The following FBXL20 variants were observed in gnomAD, a reference collection of about 807,000 sequenced individuals.
FBXL20 encodes the protein F-box/LRR-repeat protein 20.
FBXL20 carries 11 observed loss-of-function variants against 64.0 expected under a neutral mutation model. That is an observed-to-expected ratio of 0.17 (90% confidence interval 0.11 to 0.28). The LOEUF is 0.28. FBXL20 is among the 10% of genes least tolerant of loss of function. The pLI, the probability that FBXL20 is intolerant of heterozygous loss-of-function variation, is 1.00. For synonymous variants in FBXL20, 184 were observed against 189.0 expected, an observed-to-expected ratio of 0.97 and a Z score of 0.22; for missense variants, 303 against 526.2, an observed-to-expected ratio of 0.58 and a Z score of 4.15.
At chr17:39,342,175 A>G (rs1470619824) in intron 2 of FBXL20, among the ~76,000 whole-genome samples, 1 of 152,164 alleles carries the variant, frequency 6.6e-6, no homozygotes, top group East Asian at 1.9e-4. Flanking sequence ...GAAAACAAAG[A>G]ACTCTAGAAG....
At position 39,323,986 on chromosome 17, in the gene FBXL20, G is replaced by T. The variant is rs549323334; in HGVS notation, c.104+19194C>A. Among the ~76,000 whole-genome samples, 26 of 145,980 alleles carry T rather than the reference G, an allele frequency of 1.8e-4. No individual in the cohort carries two copies. In the Middle Eastern group the frequency reaches 0.01, roughly 58 times the overall value. ...TCACCATGTTGGCCAGGCTGGTCTC[G>T]AACTCCTGACCTCGTGATCCAACCC... On this transcript the variant is annotated intron_variant, in intron 2 of 14. Transcript: ENST00000264658.
intron 1 of FBXL20, among the ~76,000 whole-genome samples, chr17:39,383,882 G>C (rs12936358): frequency 6.6e-6 from 1 of 151,742 alleles, no homozygotes; most frequent in Non-Finnish European, 1.5e-5. Flanking sequence ...GAGCCACCGT[G>C]CCGGGCTACT....
upstream of FBXL20, chr17:39,401,912 AGG>A: frequency 2.4e-6 from 1 of 411,528 alleles, no homozygotes; most frequent in East Asian, 4.0e-5. Context: ...CGTGTGGAAA[AGG>A]GGGTCTGTGG....
chr17:39,342,030 T>A (rs183935839), intron 2 of FBXL20, among the ~76,000 whole-genome samples: 33 of 152,198 alleles, frequency 2.2e-4, no homozygotes, highest in Non-Finnish European at 4.0e-4. Flanking sequence ...CCCACTCCTA[T>A]CCCGCAATTT....
intron 1 of FBXL20, among the ~76,000 whole-genome samples, chr17:39,372,891 C>T (rs934686753): frequency 1.3e-5 from 2 of 152,088 alleles, no homozygotes; most frequent in East Asian, 1.9e-4. Context: ...TCCCAAAGTG[C>T]TAGGATTACA....
chr17:39,370,990 G>A (rs998378233), intron 1 of FBXL20, among the ~76,000 whole-genome samples: 2 of 151,980 alleles, frequency 1.3e-5, no homozygotes, highest in Admixed American at 6.6e-5. Flanking sequence ...AGGCTGAGGC[G>A]GGTGGATCAC....
intron 1 of FBXL20, among the ~76,000 whole-genome samples, chr17:39,368,288 A>T (rs1332638743): frequency 1.3e-5 from 2 of 152,140 alleles, no homozygotes; most frequent in East Asian, 3.9e-4. Context: ...GCTACTCAGG[A>T]GGCTAAGGCA....
chr17:39,306,156 T>TTC (rs1295910531), intron 2 of FBXL20, among the ~76,000 whole-genome samples: 1 of 146,184 alleles, frequency 6.8e-6, no homozygotes, highest in African/African-American at 2.5e-5. Flanking sequence ...AGTGAGTTCT[T>TTC]TTTTTTTTTT....
Position 39,298,388 on chromosome 17 carries a change from T to TGG in FBXL20, c.329+600_329+601dup, listed in dbSNP as rs549202183. Reference sequence around the variant, plus strand: ...CCTCCCACCTAGCCTCCCAAAGTCCTGGGGTCACTGCCCAGGTTAGGGTTA... The same window carrying TGG: ...CCTCCCACCTAGCCTCCCAAAGTCCTGGGGGGTCACTGCCCAGGTTAGGGTTA... On this transcript the variant is annotated intron_variant, in intron 5 of 14. Coordinates refer to ENST00000264658, the MANE Select transcript of FBXL20 (RefSeq NM_032875.3). 6.1e-4 allele frequency among the ~76,000 whole-genome samples: 93 copies of TGG among 152,232 alleles called. No individual in the cohort carries two copies. In the Middle Eastern group the frequency reaches 0.01, roughly 17 times the overall value.
At chr17:39,312,083 G>A (rs9904334) in intron 2 of FBXL20, among the ~76,000 whole-genome samples, 57,943 of 151,990 alleles carry the variant, frequency 0.38, 14,219 homozygotes, top group African/African-American at 0.7. Context: ...AAAAAATTAA[G>A]AGGAGAAGAC....
At chr17:39,324,536 C>T (rs1219601393) in intron 2 of FBXL20, among the ~76,000 whole-genome samples, 2 of 151,818 alleles carry the variant, frequency 1.3e-5, no homozygotes, top group Non-Finnish European at 2.9e-5. Flanking sequence ...GTGATCTGCC[C>T]GCCTCCCAAA....
intron 1 of FBXL20, among the ~76,000 whole-genome samples, chr17:39,398,589 T>C (rs2048209937): frequency 6.6e-6 from 1 of 152,004 alleles, no homozygotes; most frequent in South Asian, 2.1e-4. Flanking sequence ...ATCTCTTAAA[T>C]AGAGATTCTT....
At chr17:39,378,710 C>T (rs936714346) in intron 1 of FBXL20, among the ~76,000 whole-genome samples, 4 of 151,372 alleles carry the variant, frequency 2.6e-5, no homozygotes, top group African/African-American at 4.9e-5. Flanking sequence ...CTTGGGTTCA[C>T]GCCATTCTCC....
At chr17:39,386,510 G>A (rs1273244524) in intron 1 of FBXL20, among the ~76,000 whole-genome samples, 1 of 151,634 alleles carries the variant, frequency 6.6e-6, no homozygotes, top group African/African-American at 2.4e-5. Flanking sequence ...TGTAATTCCA[G>A]CTACTCAGGA....
rs137980807 is a variant in FBXL20 at position 39,265,198 on chromosome 17, T to C, written c.990+199A>G. Among the ~76,000 whole-genome samples the C allele has an allele frequency of 4.6e-5, 7 of 152,350 alleles. No individual in the cohort carries two copies. The East Asian group carries it at 5.8e-4, about 13-fold the overall frequency. On this transcript the variant is annotated intron_variant, in intron 13 of 14. Coordinates refer to ENST00000264658, the MANE Select transcript of FBXL20 (RefSeq NM_032875.3). ...AGTTTTCAGTCTTCAAGCATTGATA[T>C]AGAAAACATTTAACTTTTTCAGTTC...
chr17:39,255,826 G>GAA lies in FBXL20; in HGVS notation c.*5632_*5633dup, dbSNP rs531073661. ...TATTGCACTCCAGCCTGGGCAACAAGAAAAAAAAAAAAAGTTTATCCCAAG... is the reference window on the plus strand; with the variant it reads ...TATTGCACTCCAGCCTGGGCAACAAGAAAAAAAAAAAAAAAGTTTATCCCAAG... On this transcript the variant is annotated 3_prime_UTR_variant, in exon 15 of 15. Coordinates refer to ENST00000264658, the MANE Select transcript of FBXL20 (RefSeq NM_032875.3). 0.057 allele frequency: 7,926 copies of GAA among 139,394 alleles called. 235 individuals carry two copies. Among genetic ancestry groups the GAA allele is most frequent in the Non-Finnish European group, 0.083 (5,245 of 63,410 alleles). The allele number at this position is 139,394 out of a possible 1,614,324, so 8.6% of individuals were successfully genotyped here. A position where few individuals can be genotyped will look rare whatever the true frequency, so the allele number is the denominator to read the frequency against.
chr17:39,391,473 G>C (rs2048133076), intron 1 of FBXL20, among the ~76,000 whole-genome samples: 1 of 151,922 alleles, frequency 6.6e-6, no homozygotes, highest in Admixed American at 6.6e-5. Flanking sequence ...TGTAGGTCCA[G>C]AGACGTAACT....
rs1597844890 is a variant in FBXL20 at position 39,401,404 on chromosome 17, G to A, written c.-2C>T. On this transcript the variant is annotated 5_prime_UTR_variant, in exon 1 of 15. Coordinates refer to ENST00000264658, the MANE Select transcript of FBXL20 (RefSeq NM_032875.3). ...CACTCCGTTCACGTCCCTCCTCATG[G>A]GGCCGGCGGGTGCGGCCCGGGCCGG... 2.5e-6 allele frequency: 4 copies of A among 1,604,836 alleles called. No individual in the cohort carries two copies. Among genetic ancestry groups the A allele is most frequent in the Non-Finnish European group, 3.4e-6 (4 of 1,176,278 alleles).
At position 39,253,335 on chromosome 17, in the gene FBXL20, T is replaced by C. The variant is rs2046667278; in HGVS notation, c.*8125A>G. The stretch of plus-strand genomic sequence containing the variant: ...AAAGGTGAGCAGAGCAGCTGAGAAG[T>C]GCACATGGTAGGTTACCTGGAAACA... On this transcript the variant is annotated 3_prime_UTR_variant, in exon 15 of 15. Coordinates refer to ENST00000264658, the MANE Select transcript of FBXL20 (RefSeq NM_032875.3). 6.6e-6 allele frequency: 1 copy of C among 152,250 alleles called. No homozygotes were observed. 9.4% of individuals were successfully genotyped at this position (152,250 alleles called of 1,614,324 possible). A position where few individuals can be genotyped will look rare whatever the true frequency, so the allele number is the denominator to read the frequency against.
Sources: gnomAD v4.1 joint callset for allele counts (sites outside exome capture counted in the v4.1 genomes callset) on GRCh38, gnomAD v4.1.1 for gene constraint, MANE v1.5 for transcripts, NCBI Gene and HGNC (gene_info 2026-07-23, HGNC 2026-07-21) for gene names.